Variants in TPRG1 observed in about 807,000 individuals in gnomAD.
TPRG1 encodes tumor protein p63-regulated gene 1 protein.
In TPRG1, 29 loss-of-function variants were observed where a neutral mutation model predicts 29.3. The observed-to-expected ratio is 0.99, with a 90% confidence interval of 0.74 to 1.35. The LOEUF is 1.35. TPRG1 is among the 40% of genes most tolerant of loss of function. The probability of loss-of-function intolerance (pLI) is 0.00; values close to 1 mark genes in which losing one functional copy is unlikely to be tolerated. For synonymous variants in TPRG1, 130 were observed against 116.8 expected (o/e 1.11, Z -0.73); for missense variants, 327 against 335.0 (o/e 0.98, Z 0.19).
intron 4 of TPRG1, among the ~76,000 whole-genome samples, chr3:189,261,745 G>A (rs1035218423): frequency 6.6e-6 from 1 of 152,184 alleles, no homozygotes; most frequent in Non-Finnish European, 1.5e-5. Flanking sequence ...GCTACTGGGA[G>A]ATATGGGAAG....
chr3:189,060,990 C>A (rs1240604892), intron 4 of TPRG1, among the ~76,000 whole-genome samples: 1 of 152,100 alleles, frequency 6.6e-6, no homozygotes, highest in Admixed American at 6.6e-5. Context: ...ATAGCAAAGG[C>A]AATCCTAAGC....
At chr3:189,017,133 C>G (rs915334388) in intron 3 of TPRG1, among the ~76,000 whole-genome samples, 3 of 151,444 alleles carry the variant, frequency 2.0e-5, no homozygotes, top group Non-Finnish European at 4.4e-5. Flanking sequence ...TTTGTTCATG[C>G]CTTTTCATTT....
At chr3:189,264,181 T>A (rs548840324) in intron 4 of TPRG1, among the ~76,000 whole-genome samples, 1 of 152,298 alleles carries the variant, frequency 6.6e-6, no homozygotes, top group Non-Finnish European at 1.5e-5. Flanking sequence ...TAACATGAAA[T>A]GGGTTAAATT....
chr3:189,032,497 G>A (rs954462751), intron 4 of TPRG1, among the ~76,000 whole-genome samples: 3 of 151,896 alleles, frequency 2.0e-5, no homozygotes, highest in Admixed American at 6.6e-5. Context: ...TATTTCTCTC[G>A]TACATACGAA....
intron 4 of TPRG1, among the ~76,000 whole-genome samples, chr3:189,276,302 G>C (rs1716133699): frequency 6.6e-6 from 1 of 152,128 alleles, no homozygotes; most frequent in Non-Finnish European, 1.5e-5. Flanking sequence ...AGGGGGTTGT[G>C]GTTGGAATTG....
At chr3:189,308,607 T>C (rs950846261) in intron 4 of TPRG1, among the ~76,000 whole-genome samples, 1 of 152,186 alleles carries the variant, frequency 6.6e-6, no homozygotes, top group Non-Finnish European at 1.5e-5. Context: ...GAAAGGTCCT[T>C]TTTATAGTCA....
intron 2 of TPRG1, among the ~76,000 whole-genome samples, chr3:189,131,650 T>A (rs1009197385): frequency 6.6e-6 from 1 of 152,212 alleles, no homozygotes; most frequent in Non-Finnish European, 1.5e-5. Context: ...ACACAGTGAA[T>A]GAGGCAGATC....
At chr3:189,153,837 C>A (rs1392511717) in intron 5 of TPRG1, among the ~76,000 whole-genome samples, 1 of 152,206 alleles carries the variant, frequency 6.6e-6, no homozygotes, top group African/African-American at 2.4e-5. Flanking sequence ...AGGACCATAT[C>A]TGGACTATGG....
chr3:189,033,617 T>C (rs1225973875), intron 4 of TPRG1, among the ~76,000 whole-genome samples: 2 of 151,658 alleles, frequency 1.3e-5, no homozygotes, highest in East Asian at 3.9e-4. Flanking sequence ...AGTCACTTTG[T>C]CACCCAGGCT....
chr3:189,095,763 G>C (rs1718633220), upstream of TPRG1, among the ~76,000 whole-genome samples: 2 of 152,210 alleles, frequency 1.3e-5, no homozygotes, highest in Admixed American at 6.5e-5. Context: ...TGGGCATTCA[G>C]AAGTACATTG....
chr3:189,310,228 T>G lies in TPRG1; in HGVS notation c.480-158T>G, dbSNP rs1722262851. On this transcript the variant is annotated intron_variant, in intron 4 of 5. Transcript: ENST00000345063. Reference sequence around the variant, plus strand: ...TCCAAACACCTTGAATTTCCTATTTTTAAAACCTAATTCACCTTTTTCTTC... The same window carrying G: ...TCCAAACACCTTGAATTTCCTATTTGTAAAACCTAATTCACCTTTTTCTTC... 6.7e-5 allele frequency: 35 copies of G among 525,288 alleles called. No homozygotes were observed. The East Asian group carries it at 1.1e-3, about 17-fold the overall frequency. 32.5% of individuals were successfully genotyped at this position (525,288 alleles called of 1,614,324 possible).
At chr3:189,137,561 T>A (rs1357228660) in intron 3 of TPRG1, among the ~76,000 whole-genome samples, 1 of 152,124 alleles carries the variant, frequency 6.6e-6, no homozygotes, top group African/African-American at 2.4e-5. Context: ...CAGCCCTTAT[T>A]GACTGGCTTT....
chr3:189,177,944 A>G (rs1267702699), intron 1 of TPRG1, among the ~76,000 whole-genome samples: 1 of 152,160 alleles, frequency 6.6e-6, no homozygotes. Context: ...CTGGGTGGAC[A>G]CTAGGTGAAT....
chr3:189,127,674 G>A (rs1722643875), intron 2 of TPRG1, among the ~76,000 whole-genome samples: 2 of 152,200 alleles, frequency 1.3e-5, no homozygotes, highest in South Asian at 4.1e-4. Context: ...GCAATGTGGA[G>A]ATTCAGAGAA....
chr3:189,309,599 C>T lies in TPRG1; in HGVS notation c.480-787C>T, dbSNP rs138332402. ...TTCTGATGGACACATGCAAAAGAGGCCTCAGAAACACGGTTTTGTTATTCA... is the reference window on the plus strand; with the variant it reads ...TTCTGATGGACACATGCAAAAGAGGTCTCAGAAACACGGTTTTGTTATTCA... On this transcript the variant is annotated intron_variant, in intron 4 of 5. Coordinates refer to ENST00000345063, the MANE Select transcript of TPRG1 (RefSeq NM_198485.4). 5.3e-5 allele frequency among the ~76,000 whole-genome samples: 8 copies of T among 152,228 alleles called. No homozygotes were observed. In the East Asian group the frequency reaches 1.5e-3, roughly 29 times the overall value.
At chr3:189,268,658 A>G (rs1316531768) in intron 4 of TPRG1, among the ~76,000 whole-genome samples, 1 of 152,226 alleles carries the variant, frequency 6.6e-6, no homozygotes, top group African/African-American at 2.4e-5. Context: ...TCTGAATGAC[A>G]AGAAAGCTCA....
chr3:189,029,959 C>A (rs935865777), intron 4 of TPRG1, among the ~76,000 whole-genome samples: 1 of 152,186 alleles, frequency 6.6e-6, no homozygotes, highest in South Asian at 2.1e-4. Context: ...TCCTGTACAG[C>A]CTGCAGAACT....
chr3:189,106,128 A>G (rs997610434), intron 1 of TPRG1, among the ~76,000 whole-genome samples: 7 of 152,044 alleles, frequency 4.6e-5, no homozygotes, highest in Non-Finnish European at 7.4e-5. Flanking sequence ...CAAAACAAAA[A>G]AACTAGTGTG....
At chr3:189,216,609 G>A (rs1560565261) in intron 3 of TPRG1, among the ~76,000 whole-genome samples, 1 of 152,146 alleles carries the variant, frequency 6.6e-6, no homozygotes, top group African/African-American at 2.4e-5. Context: ...AAAATGCCTA[G>A]CACATGGACC....
Sources: allele counts gnomAD v4.1 joint callset (sites outside exome capture counted in the v4.1 genomes callset), GRCh38; gene constraint gnomAD v4.1.1; transcripts MANE v1.5; gene names NCBI Gene and HGNC (gene_info 2026-07-23, HGNC 2026-07-21).